The following DGKB variants were observed in gnomAD, a reference collection of about 807,000 sequenced individuals.
DGKB encodes the protein 90 kDa diacylglycerol kinase.
Under a neutral mutation model 114.3 loss-of-function variants are expected in DGKB, and 67 were observed. That is an observed-to-expected ratio of 0.59 (90% confidence interval 0.48 to 0.72). The LOEUF (loss-of-function observed/expected upper bound fraction) is 0.72, where lower values mean the gene tolerates loss of function less well. DGKB is among the 30% of genes least tolerant of loss of function. The probability of loss-of-function intolerance (pLI) is 0.00; values close to 1 mark genes in which losing one functional copy is unlikely to be tolerated. For missense variants in DGKB, 907 were observed against 975.2 expected (o/e 0.93, Z 0.93); for synonymous variants, 398 against 323.1 (o/e 1.23, Z -2.49).
At chr7:14,630,869 C>T (rs1341447537) in intron 13 of DGKB, among the ~76,000 whole-genome samples, 2 of 151,276 alleles carry the variant, frequency 1.3e-5, no homozygotes, top group Non-Finnish European at 2.9e-5. Flanking sequence ...CATTATCTAC[C>T]ACTACTACCC....
chr7:14,915,566 G>T (rs964847018), intron 1 of DGKB, among the ~76,000 whole-genome samples: 1 of 152,152 alleles, frequency 6.6e-6, no homozygotes, highest in African/African-American at 2.4e-5. Context: ...ATTGACAAAT[G>T]TGAGAAAATA....
intron 21 of DGKB, among the ~76,000 whole-genome samples, chr7:14,461,536 C>T (rs1833083703): frequency 6.6e-6 from 1 of 152,078 alleles, no homozygotes; most frequent in Non-Finnish European, 1.5e-5. Flanking sequence ...CACATACACC[C>T]TCCCAAGACT....
chr7:14,935,335 G>C (rs140463003), intron 1 of DGKB, among the ~76,000 whole-genome samples: 1 of 152,058 alleles, frequency 6.6e-6, no homozygotes, highest in Non-Finnish European at 1.5e-5. Flanking sequence ...CAAGAGTTTC[G>C]CCAAGGCTTA....
chr7:14,172,283 C>T (rs1461923014), intron 25 of DGKB, among the ~76,000 whole-genome samples: 1 of 152,020 alleles, frequency 6.6e-6, no homozygotes, highest in African/African-American at 2.4e-5. Context: ...TAGAAGAGTG[C>T]CATGGTGAGA....
At chr7:14,160,926 T>C (rs1401224208) in intron 25 of DGKB, among the ~76,000 whole-genome samples, 1 of 151,758 alleles carries the variant, frequency 6.6e-6, no homozygotes, top group Non-Finnish European at 1.5e-5. Flanking sequence ...AAAACAGATA[T>C]ATAGACCAAT....
chr7:14,545,836 T>C (rs80313726), intron 20 of DGKB, among the ~76,000 whole-genome samples: 98 of 152,322 alleles, frequency 6.4e-4, no homozygotes, highest in African/African-American at 2.4e-3. Context: ...AAAGGCCATA[T>C]GAAGAACTAA....
chr7:14,731,889 G>A (rs533418987), intron 5 of DGKB, among the ~76,000 whole-genome samples: 3 of 152,244 alleles, frequency 2.0e-5, no homozygotes, highest in South Asian at 2.1e-4. Context: ...TAATGCATTA[G>A]CGATATCTTC....
chr7:14,771,080 T>C (rs1837336080), intron 2 of DGKB, among the ~76,000 whole-genome samples: 1 of 152,096 alleles, frequency 6.6e-6, no homozygotes, highest in African/African-American at 2.4e-5. Flanking sequence ...ATCTCTTTGA[T>C]TTAGCATGAG....
At chr7:14,541,451 G>T (rs1451790154) in intron 20 of DGKB, among the ~76,000 whole-genome samples, 1 of 152,140 alleles carries the variant, frequency 6.6e-6, no homozygotes, top group Admixed American at 6.5e-5. Context: ...TGAGCCTATT[G>T]AGAATAAGCA....
chr7:14,779,519 GA>G (rs1200994036), intron 2 of DGKB, among the ~76,000 whole-genome samples: 1 of 151,502 alleles, frequency 6.6e-6, no homozygotes, highest in African/African-American at 2.4e-5. Context: ...CTGGGCAACA[GA>G]AAAAAAAGAA....
chr7:14,753,956 T>G lies in DGKB; in HGVS notation c.148-8A>C. The G allele has an allele frequency of 2.0e-6, 3 of 1,513,034 alleles. No individual in the cohort carries two copies. The highest frequency in any genetic ancestry group is 2.7e-6 in the Non-Finnish European group (3 of 1,104,858). The allele number at this position is 1,513,034 out of a possible 1,614,324, so 93.7% of individuals were successfully genotyped here. A position where few individuals can be genotyped will look rare whatever the true frequency, so the allele number is the denominator to read the frequency against. On this transcript the variant is annotated splice_polypyrimidine_tract_variant and splice_region_variant and intron_variant, in intron 3 of 25. Transcript: ENST00000402815. ...GTTAAGAATGTCTTGTTTCTGTGCA[T>G]GCAAGGAAAGAAAGAATACATGTGT...
At chr7:14,445,966 T>G (rs1425721714) in intron 21 of DGKB, among the ~76,000 whole-genome samples, 1 of 152,092 alleles carries the variant, frequency 6.6e-6, no homozygotes, top group Non-Finnish European at 1.5e-5. Flanking sequence ...GGCTCACAGA[T>G]ATTTTTTACT....
intron 1 of DGKB, among the ~76,000 whole-genome samples, chr7:14,937,629 C>G (rs943874302): frequency 6.6e-6 from 1 of 151,944 alleles, no homozygotes; most frequent in Non-Finnish European, 1.5e-5. Flanking sequence ...TTTTCTTTTC[C>G]CTACTGTTTT....
chr7:14,863,977 T>C (rs1372073146), intron 1 of DGKB, among the ~76,000 whole-genome samples: 1 of 151,482 alleles, frequency 6.6e-6, no homozygotes, highest in Non-Finnish European at 1.5e-5. Context: ...CACATGCCTG[T>C]AATCCCAGCT....
chr7:14,265,386 A>G (rs934211191), intron 23 of DGKB, among the ~76,000 whole-genome samples: 1 of 133,638 alleles, frequency 7.5e-6, no homozygotes, highest in African/African-American at 2.8e-5. Context: ...TTAACTAGCC[A>G]TGCTTTTCTG....
intron 20 of DGKB, among the ~76,000 whole-genome samples, chr7:14,505,516 C>T (rs1354375046): frequency 6.6e-6 from 1 of 151,856 alleles, no homozygotes; most frequent in Non-Finnish European, 1.5e-5. Flanking sequence ...ATTGTCATTA[C>T]AGACTCACTT....
At chr7:14,400,399 C>G (rs1247209025) in intron 21 of DGKB, among the ~76,000 whole-genome samples, 7 of 151,788 alleles carry the variant, frequency 4.6e-5, no homozygotes, top group Admixed American at 2.6e-4. Context: ...AGTATATACT[C>G]TGGCATTTGG....
chr7:14,174,183 G>A (rs557897802), intron 25 of DGKB, among the ~76,000 whole-genome samples: 2 of 152,270 alleles, frequency 1.3e-5, no homozygotes, highest in Non-Finnish European at 1.5e-5. Context: ...TTTGTGTTGA[G>A]CTTCACAGTA....
chr7:14,278,898 C>G (rs1273903107), intron 23 of DGKB, among the ~76,000 whole-genome samples: 1 of 152,140 alleles, frequency 6.6e-6, no homozygotes, highest in African/African-American at 2.4e-5. Context: ...CGAATAGGAA[C>G]AGCTCAGGTC....
Sources: allele counts gnomAD v4.1 joint callset (sites outside exome capture counted in the v4.1 genomes callset), GRCh38; gene constraint gnomAD v4.1.1; transcripts MANE v1.5; gene names NCBI Gene and HGNC (gene_info 2026-07-23, HGNC 2026-07-21).